The following SYNE3 variants were observed in gnomAD, a reference collection of about 807,000 sequenced individuals.
SYNE3 encodes the protein nesprin-3.
SYNE3 carries 100 observed loss-of-function variants against 111.2 expected under a neutral mutation model. The ratio of observed to expected loss-of-function variants is 0.90; its 90% CI spans 0.77 to 1.06. SYNE3 has a LOEUF of 1.06. Ranked by LOEUF, SYNE3 falls within the 50% of genes least tolerant of loss-of-function variation. The probability of loss-of-function intolerance (pLI) is 0.00; values close to 1 mark genes in which losing one functional copy is unlikely to be tolerated. For missense variants in SYNE3, 1,160 were observed against 1,240.3 expected, an observed-to-expected ratio of 0.94 and a Z score of 0.97; for synonymous variants, 547 against 533.9, an observed-to-expected ratio of 1.02 and a Z score of -0.34.
Position 95,452,319 on chromosome 14 carries a change from T to A in SYNE3, c.1202A>T (p.Glu401Val). ...RVDRLQAQLK[E>V]LIVFPHNLKP... ...CAGGTTGTGAGGGAAGACGATGAGCTCCTTCAGCTGGGCTTGCAGCCGGTC... is the reference window on the plus strand; with the variant it reads ...CAGGTTGTGAGGGAAGACGATGAGCACCTTCAGCTGGGCTTGCAGCCGGTC... Residue 401 changes from glutamate (E) to valine (V), a missense_variant, in exon 7 of 18, where the codon GAG becomes GTG. Transcript: ENST00000682763. 4 of 1,613,972 alleles carry A rather than the reference T, an allele frequency of 2.5e-6. No individual in the cohort carries two copies. The highest frequency in any genetic ancestry group is 2.5e-6 in the Non-Finnish European group (3 of 1,179,944).
At chr14:95,487,264 G>C (rs1889596281) in intron 1 of SYNE3, among the ~76,000 whole-genome samples, 1 of 152,222 alleles carries the variant, frequency 6.6e-6, no homozygotes, top group South Asian at 2.1e-4. Flanking sequence ...CTAAGCATTT[G>C]ACATGATTTT....
Position 95,436,442 on chromosome 14 carries a change from C to T in SYNE3, c.2538+378G>A, listed in dbSNP as rs180840463. Among the ~76,000 whole-genome samples, 60 of 152,294 alleles carry T rather than the reference C, an allele frequency of 3.9e-4. No homozygotes were observed. The South Asian group carries it at 4.6e-3, about 12-fold the overall frequency. On this transcript the variant is annotated intron_variant, in intron 15 of 17. Coordinates refer to ENST00000682763, the MANE Select transcript of SYNE3 (RefSeq NM_152592.6). Reference sequence around the variant, plus strand: ...CAACTGACCTACAACTGACAGCAGACGGACTGGAGGCACTGCCCGGTTGAG... The same window carrying T: ...CAACTGACCTACAACTGACAGCAGATGGACTGGAGGCACTGCCCGGTTGAG...
At chr14:95,482,391 G>A (rs771304100) in intron 1 of SYNE3, among the ~76,000 whole-genome samples, 4 of 152,116 alleles carry the variant, frequency 2.6e-5, no homozygotes, top group South Asian at 2.1e-4. Flanking sequence ...AAGAGATTGC[G>A]CCACTGCACT....
At chr14:95,425,857 G>C (rs1036788733) in intron 17 of SYNE3, among the ~76,000 whole-genome samples, 1 of 152,168 alleles carries the variant, frequency 6.6e-6, no homozygotes, top group Admixed American at 6.5e-5. Context: ...TATCAACATT[G>C]AGTGTTATCA....
intron 17 of SYNE3, among the ~76,000 whole-genome samples, chr14:95,425,473 G>A (rs1026068673): frequency 3.2e-4 from 49 of 152,144 alleles, no homozygotes; most frequent in African/African-American, 1.0e-3. Context: ...GGTGGAGAAC[G>A]GGATTTTCAG....
intron 1 of SYNE3, among the ~76,000 whole-genome samples, chr14:95,478,786 C>T (rs1171879921): frequency 2.0e-5 from 3 of 152,224 alleles, no homozygotes; most frequent in Non-Finnish European, 4.4e-5. Context: ...CCTTTCTTAG[C>T]TCACTGGCTA....
intron 1 of SYNE3, among the ~76,000 whole-genome samples, chr14:95,476,210 T>A (rs1260026116): frequency 6.6e-6 from 1 of 152,234 alleles, no homozygotes; most frequent in Non-Finnish European, 1.5e-5. Context: ...GGACCCATAA[T>A]GATCTTGATT....
intron 1 of SYNE3, among the ~76,000 whole-genome samples, chr14:95,480,458 C>A (rs942318): frequency 0.45 from 68,250 of 152,020 alleles, 15,664 homozygotes; most frequent in South Asian, 0.61. Context: ...GAGACCGAGC[C>A]CATGCTCAGA....
chr14:95,438,610 C>T (rs756613035), intron 14 of SYNE3: 17 of 170,924 alleles, frequency 9.9e-5, no homozygotes, highest in Non-Finnish European at 2.0e-4. Context: ...TTCTTTTCCA[C>T]AAAGCTCAAG....
rs768106930 is a variant in SYNE3 at position 95,475,708 on chromosome 14, C to G, written c.114G>C (p.Ala38=). 6.3e-7 allele frequency: 1 copy of G among 1,594,274 alleles called. No homozygotes were observed. Among genetic ancestry groups the G allele is most frequent in the Non-Finnish European group, 8.5e-7 (1 of 1,171,420 alleles). Residue 38 remains alanine (A), a synonymous_variant, in exon 2 of 18, where the codon GCG becomes GCC. Coordinates refer to ENST00000682763, the MANE Select transcript of SYNE3 (RefSeq NM_152592.6). The stretch of plus-strand genomic sequence containing the variant: ...TCTCCCACAGCCTGGCCTCCAGGGC[C>G]GCGCGGGGTCCCTGCGTGTTGTCAT... The part of the protein sequence containing the change: ...QVNDNTQGPR[A]ALEARLWETE...
chr14:95,463,616 T>G (rs1253907437), intron 4 of SYNE3, among the ~76,000 whole-genome samples: 1 of 152,212 alleles, frequency 6.6e-6, no homozygotes, highest in African/African-American at 2.4e-5. Flanking sequence ...AGAATTGCCA[T>G]GAAGCCTGCC....
In SYNE3 at chr14:95,417,751, C is replaced by T; in HGVS notation, c.*75G>A. On this transcript the variant is annotated 3_prime_UTR_variant, in exon 18 of 18. Coordinates refer to ENST00000682763, the MANE Select transcript of SYNE3 (RefSeq NM_152592.6). ...TGCCCTGCCCCTGTTTCCAGTTTCCCTGGCGAGCATCCTCAGGAGGGGCCC... is the reference window on the plus strand; with the variant it reads ...TGCCCTGCCCCTGTTTCCAGTTTCCTTGGCGAGCATCCTCAGGAGGGGCCC... 6.6e-7 allele frequency: 1 copy of T among 1,521,224 alleles called. No homozygotes were observed. Among genetic ancestry groups the T allele is most frequent in the Non-Finnish European group, 9.1e-7 (1 of 1,096,342 alleles). 94.2% of individuals were successfully genotyped at this position (1,521,224 alleles called of 1,614,324 possible). A position where few individuals can be genotyped will look rare whatever the true frequency, so the allele number is the denominator to read the frequency against.
At chr14:95,418,062 G>A in intron 17 of SYNE3, 36 bp from the exon 18 acceptor site, 1 of 1,600,324 alleles carries the variant, frequency 6.2e-7, no homozygotes, top group Non-Finnish European at 8.5e-7. Flanking sequence ...AGTGGGCTGG[G>A]GGGCTCTGGT....
chr14:95,463,289 G>A (rs1029467290), intron 4 of SYNE3, among the ~76,000 whole-genome samples: 3 of 152,182 alleles, frequency 2.0e-5, no homozygotes, highest in Non-Finnish European at 2.9e-5. Context: ...TGTCTATAGC[G>A]TTTTGGATTG....
chr14:95,438,669 C>G (rs973145062), intron 14 of SYNE3: 1 of 204,166 alleles, frequency 4.9e-6, no homozygotes, highest in Admixed American at 5.2e-5. Flanking sequence ...GAAAAGTTTT[C>G]CCATCTTGTA....
At chr14:95,460,821 G>A (rs1237090400) in intron 4 of SYNE3, among the ~76,000 whole-genome samples, 1 of 152,242 alleles carries the variant, frequency 6.6e-6, no homozygotes, top group Non-Finnish European at 1.5e-5. Context: ...GACAGAGGCT[G>A]GATGCTGGGC....
At chr14:95,439,850 T>C (rs1886310275) in intron 12 of SYNE3, 64 bp downstream of exon 12, 2 of 1,591,198 alleles carry the variant, frequency 1.3e-6, no homozygotes, top group Non-Finnish European at 1.7e-6. Context: ...TGCTCCTTGG[T>C]GTGGGAACGT....
In SYNE3 at chr14:95,413,030, G is replaced by A. The variant is rs1026425783; in HGVS notation, c.*4796C>T. Reference sequence around the variant, plus strand: ...TCCTATGGAAAGAAAAACTCAAGTTGTTCCCTCGTATTGTTTCACTTGCCT... The same window carrying A: ...TCCTATGGAAAGAAAAACTCAAGTTATTCCCTCGTATTGTTTCACTTGCCT... On this transcript the variant is annotated 3_prime_UTR_variant, in exon 18 of 18. Transcript: ENST00000682763. 3 of 152,312 alleles carry A rather than the reference G, an allele frequency of 2.0e-5. No individual in the cohort carries two copies. The highest frequency in any genetic ancestry group is 3.9e-4 in the East Asian group (2 of 5,184). 9.4% of individuals were successfully genotyped at this position (152,312 alleles called of 1,614,324 possible).
chr14:95,473,214 C>T (rs777416442), intron 2 of SYNE3, among the ~76,000 whole-genome samples: 3 of 152,158 alleles, frequency 2.0e-5, no homozygotes, highest in Non-Finnish European at 4.4e-5. Flanking sequence ...TGCCTGGACT[C>T]CCACCCCCTC....
Sources: gnomAD v4.1 joint callset for allele counts (sites outside exome capture counted in the v4.1 genomes callset) on GRCh38, gnomAD v4.1.1 for gene constraint, MANE v1.5 for transcripts, NCBI Gene and HGNC (gene_info 2026-07-23, HGNC 2026-07-21) for gene names.